The following NRAP variants were observed in gnomAD, a reference collection of about 807,000 sequenced individuals.
NRAP encodes nebulin-related-anchoring protein.
NRAP carries 189 observed loss-of-function variants against 225.9 expected under a neutral mutation model. That is an observed-to-expected ratio of 0.84 (90% confidence interval 0.74 to 0.94). The LOEUF is 0.94. Ranked by LOEUF, NRAP falls within the 40% of genes least tolerant of loss-of-function variation. The pLI is 0.00. For missense variants in NRAP, 2,176 were observed against 2,168.7 expected, an observed-to-expected ratio of 1.00 and a Z score of -0.07; for synonymous variants, 769 against 790.7, an observed-to-expected ratio of 0.97 and a Z score of 0.46.
intron 2 of NRAP, among the ~76,000 whole-genome samples, 155 bp from the exon 3 acceptor site, chr10:113,662,921 C>T (rs921096947): frequency 4.0e-5 from 6 of 151,858 alleles, no homozygotes; most frequent in African/African-American, 9.7e-5. Flanking sequence ...CCAGGCAATG[C>T]ATCTTACAGA....
chr10:113,654,169 C>T (rs1476640084), intron 4 of NRAP, 44 bp from the exon 5 acceptor site: 2 of 1,073,944 alleles, frequency 1.9e-6, no homozygotes, highest in African/African-American at 3.2e-5. Context: ...ATGCCCCAGA[C>T]TCCCAGCAAC....
At chr10:113,598,978 T>C (rs986532482) in intron 35 of NRAP, among the ~76,000 whole-genome samples, 1 of 152,224 alleles carries the variant, frequency 6.6e-6, no homozygotes, top group African/African-American at 2.4e-5. Context: ...CTGCCCACCA[T>C]TACCTACAAC....
chr10:113,597,574 G>A (rs1360693815), intron 36 of NRAP, among the ~76,000 whole-genome samples: 2 of 152,164 alleles, frequency 1.3e-5, no homozygotes, highest in Non-Finnish European at 2.9e-5. Context: ...CAGGCTGTTA[G>A]TATGGTAAGG....
intron 18 of NRAP, among the ~76,000 whole-genome samples, chr10:113,630,446 TGGTGATGGTGAA>T (rs1180135112): frequency 1.3e-5 from 2 of 152,060 alleles, no homozygotes; most frequent in Admixed American, 6.6e-5. Context: ...GCAATGACCA[TGGTGATGGTGAA>T]GGTGATGGTG....
chr10:113,609,910 T>A (rs898705592), intron 31 of NRAP, among the ~76,000 whole-genome samples: 1 of 149,636 alleles, frequency 6.7e-6, no homozygotes, highest in Admixed American at 6.7e-5. Flanking sequence ...AGGAACTGAC[T>A]CCATATCCTC....
At chr10:113,614,095 C>G (rs1847492821) in intron 29 of NRAP, 88 bp downstream of exon 29, 1 of 853,374 alleles carries the variant, frequency 1.2e-6, no homozygotes, top group Admixed American at 1.8e-5. Context: ...ATACCCATGT[C>G]CAGAAGGACA....
chr10:113,628,755 A>C (rs1339232720), intron 20 of NRAP, among the ~76,000 whole-genome samples, 162 bp downstream of exon 20: 4 of 152,216 alleles, frequency 2.6e-5, no homozygotes, highest in Non-Finnish European at 5.9e-5. Context: ...GGGTGTGGAA[A>C]GTTAGCTGAG....
chr10:113,657,352 C>A lies in NRAP; in HGVS notation c.360+118G>T, dbSNP rs939899260. 3 of 639,388 alleles carry A rather than the reference C, an allele frequency of 4.7e-6. No homozygotes were observed. In the African/African-American group the frequency reaches 5.5e-5, roughly 12 times the overall value. The allele number at this position is 639,388 out of a possible 1,614,324, so 39.6% of individuals were successfully genotyped here. On this transcript the variant is annotated intron_variant, in intron 4 of 41. Transcript: ENST00000359988. ...GGTCTTCCATAGACAGCTGGAATTA[C>A]AAACTGGGTGAAAGGAAACCTACTT...
At chr10:113,626,395 G>A (rs1233777883) in intron 20 of NRAP, among the ~76,000 whole-genome samples, 2 of 152,146 alleles carry the variant, frequency 1.3e-5, no homozygotes, top group African/African-American at 2.4e-5. Context: ...GTATTTCACC[G>A]TGTGCCCTGG....
intron 25 of NRAP, 49 bp downstream of exon 25, chr10:113,620,555 C>T (rs762339702): frequency 1.5e-5 from 17 of 1,168,606 alleles, no homozygotes; most frequent in Admixed American, 3.4e-5. Context: ...ACAGAGACGC[C>T]GCACGCCTAA....
In NRAP at chr10:113,641,585, T is replaced by G; in HGVS notation, c.1216-113A>C. ...GGCATAAATGATTAAATATAACCCA[T>G]TTAAATAGTCAACGTATCACAGAAT... On this transcript the variant is annotated intron_variant, in intron 12 of 41. Transcript: ENST00000359988. 6 of 655,952 alleles carry G rather than the reference T, an allele frequency of 9.1e-6. No homozygotes were observed. The South Asian group carries it at 1.2e-4, about 13-fold the overall frequency. 40.6% of individuals were successfully genotyped at this position (655,952 alleles called of 1,614,324 possible).
At chr10:113,593,783 T>C (rs1318245751) in intron 38 of NRAP, among the ~76,000 whole-genome samples, 2 of 152,240 alleles carry the variant, frequency 1.3e-5, no homozygotes, top group Non-Finnish European at 2.9e-5. Context: ...GGGCACACCA[T>C]GCCTTCCTAA....
intron 4 of NRAP, among the ~76,000 whole-genome samples, chr10:113,654,507 C>CAAAAAAAAAAAAAAAAAAAGA (rs56238053): frequency 7.8e-6 from 1 of 128,696 alleles, no homozygotes; most frequent in Admixed American, 7.8e-5. Context: ...GCAATAAAAG[C>CAAAAAAAAAAAAAAAAAAAGA]AAAAAAAAAA....
chr10:113,602,685 C>T (rs988922050), intron 35 of NRAP, among the ~76,000 whole-genome samples: 1 of 152,182 alleles, frequency 6.6e-6, no homozygotes, highest in Non-Finnish European at 1.5e-5. Flanking sequence ...TTGTTGCTAT[C>T]GACAATTAAT....
chr10:113,639,091 CAAAAAAAAAAAA>C (rs60509891), intron 14 of NRAP, among the ~76,000 whole-genome samples: 1 of 115,820 alleles, frequency 8.6e-6, no homozygotes. Context: ...ATGTATATAG[CAAAAAAAAAAAA>C]AAAAAAAAAA....
In NRAP at chr10:113,608,417, A is replaced by T. The variant is rs761964135; in HGVS notation, c.3699T>A (p.Asn1233Lys). The change falls in exon 32 of 42, where the codon AAT becomes AAA. Residue 1233 changes from asparagine to lysine, a missense_variant. Physicochemically the swap from Asn to Lys is moderately conservative, Grantham distance 94. Transcript: ENST00000359988. The stretch of plus-strand genomic sequence containing the variant: ...CAAAGCCATCAGGAGATTTTACCTC[A>T]TTCGTTATCTGGTTGCTGAATTTCG... ...LHAKFSNQITNERLYKAAGED... is the reference protein window; with the variant it reads ...LHAKFSNQITKERLYKAAGED... 4 of 1,602,348 alleles carry T rather than the reference A, an allele frequency of 2.5e-6. No homozygotes were observed. The highest frequency in any genetic ancestry group is 1.7e-4 in the Middle Eastern group (1 of 6,038).
At chr10:113,596,806 C>A (rs1846305688) in intron 37 of NRAP, among the ~76,000 whole-genome samples, 1 of 152,124 alleles carries the variant, frequency 6.6e-6, no homozygotes, top group Admixed American at 6.6e-5. Flanking sequence ...TTATTTAATC[C>A]TCATTTAATT....
chr10:113,590,969 G>A, intron 39 of NRAP, 80 bp from the exon 40 acceptor site: 2 of 1,257,388 alleles, frequency 1.6e-6, no homozygotes, highest in Non-Finnish European at 1.1e-6. Flanking sequence ...CCATCCCAGG[G>A]CATTCTCAGC....
At chr10:113,654,535 A>T (rs1850186121) in intron 4 of NRAP, among the ~76,000 whole-genome samples, 1 of 151,364 alleles carries the variant, frequency 6.6e-6, no homozygotes, top group Non-Finnish European at 1.5e-5. Flanking sequence ...AGGAAAGGCA[A>T]AGTTTCTCTT....
Sources: gnomAD v4.1 joint callset for allele counts (sites outside exome capture counted in the v4.1 genomes callset) on GRCh38, gnomAD v4.1.1 for gene constraint, MANE v1.5 for transcripts, NCBI Gene and HGNC (gene_info 2026-07-23, HGNC 2026-07-21) for gene names.